Variants in LIMCH1 observed in about 807,000 individuals in gnomAD.
LIMCH1 encodes LIM and calponin homology domains-containing protein 1.
LIMCH1 carries 113 observed loss-of-function variants against 176.5 expected under a neutral mutation model. The ratio of observed to expected loss-of-function variants is 0.64; its 90% confidence interval spans 0.55 to 0.75. The LOEUF (loss-of-function observed/expected upper bound fraction) is 0.75, where lower values mean the gene tolerates loss of function less well. Among genes scored for constraint, LIMCH1 ranks in the 30% least tolerant of loss-of-function variants. LIMCH1 has a pLI of 0.00. For synonymous variants in LIMCH1, 619 were observed against 645.9 expected (o/e 0.96, Z 0.63); for missense variants, 1,674 against 1,814.9 (o/e 0.92, Z 1.41).
rs77770249 is a variant in LIMCH1, at chr4:41,616,975, G to A, written c.206-2213G>A. On this transcript the variant is annotated intron_variant, in intron 5 of 31. Coordinates refer to ENST00000503057, the MANE Select transcript of LIMCH1 (RefSeq NM_001330672.2). ...GGCTAATATTTCTTGAAGTGTCTAA[G>A]ACATTCACCAAAGAATAATTGGGGG... 7.0e-3 allele frequency among the ~76,000 whole-genome samples: 1,064 copies of A among 152,118 alleles called. 11 individuals carry two copies. Among genetic ancestry groups the A allele is most frequent in the Non-Finnish European group, 8.9e-3 (608 of 68,010 alleles).
chr4:41,493,846 C>T (rs2071539289), intron 1 of LIMCH1, among the ~76,000 whole-genome samples: 1 of 152,204 alleles, frequency 6.6e-6, no homozygotes, highest in African/African-American at 2.4e-5. Context: ...GACAATTATT[C>T]TTTCCCAGCT....
intron 1 of LIMCH1, among the ~76,000 whole-genome samples, chr4:41,543,722 A>G (rs2078983389): frequency 6.6e-6 from 1 of 152,148 alleles, no homozygotes; most frequent in African/African-American, 2.4e-5. Flanking sequence ...GGGTCTTCAC[A>G]TCTTGGCCAG....
At chr4:41,499,598 T>A (rs901470358) in intron 2 of LIMCH1, among the ~76,000 whole-genome samples, 6 of 152,132 alleles carry the variant, frequency 3.9e-5, no homozygotes, top group African/African-American at 9.7e-5. Flanking sequence ...GGTGGGGGGA[T>A]CATGAGGTCA....
intron 1 of LIMCH1, among the ~76,000 whole-genome samples, chr4:41,539,737 C>G (rs959899226): frequency 2.0e-5 from 3 of 152,088 alleles, no homozygotes; most frequent in Non-Finnish European, 2.9e-5. Context: ...GGCAATTGTT[C>G]TCTATAATAA....
Position 41,695,228 on chromosome 4 carries a change from T to G in LIMCH1, c.4379-1932T>G, listed in dbSNP as rs1317746552. On this transcript the variant is annotated intron_variant, in intron 31 of 31. Coordinates refer to ENST00000503057, the MANE Select transcript of LIMCH1 (RefSeq NM_001330672.2). ...ATTAAATATATATATTTAATACATATAAAAGAAATATATGTTTCTTTTTTG... is the reference window on the plus strand; with the variant it reads ...ATTAAATATATATATTTAATACATAGAAAAGAAATATATGTTTCTTTTTTG... Among the ~76,000 whole-genome samples the G allele has an allele frequency of 3.3e-5, 5 of 151,242 alleles. No homozygotes were observed. The East Asian group carries it at 9.6e-4, about 29-fold the overall frequency.
intron 24 of LIMCH1, among the ~76,000 whole-genome samples, chr4:41,680,487 G>A (rs893006887): frequency 3.3e-5 from 5 of 152,130 alleles, no homozygotes; most frequent in Admixed American, 3.3e-4. Context: ...CTGAATGACT[G>A]CATTTACTAT....
chr4:41,406,973 G>A (rs1395573056), intron 1 of LIMCH1, among the ~76,000 whole-genome samples: 2 of 152,156 alleles, frequency 1.3e-5, no homozygotes, highest in Non-Finnish European at 2.9e-5. Context: ...GCACGGGTAC[G>A]AGTGATCTCT....
At chr4:41,530,864 G>A (rs1190666860) in intron 3 of LIMCH1, among the ~76,000 whole-genome samples, 1 of 134,662 alleles carries the variant, frequency 7.4e-6, no homozygotes, top group African/African-American at 3.0e-5. Flanking sequence ...GCAAGGCAGG[G>A]AAGAGGGAGG....
chr4:41,575,455 A>G (rs1330959777), intron 1 of LIMCH1, among the ~76,000 whole-genome samples: 1 of 152,192 alleles, frequency 6.6e-6, no homozygotes, highest in Non-Finnish European at 1.5e-5. Flanking sequence ...ATTTTCAAAC[A>G]CTGTTTCATC....
intron 1 of LIMCH1, among the ~76,000 whole-genome samples, chr4:41,365,144 C>T (rs933637258): frequency 6.6e-6 from 1 of 152,248 alleles, no homozygotes; most frequent in Non-Finnish European, 1.5e-5. Context: ...CAACCCAACT[C>T]AGCCTTATTT....
rs770410789 is a variant in LIMCH1 at position 41,687,943 on chromosome 4, G to C, written c.4166+26G>C. 6.3e-6 allele frequency: 10 copies of C among 1,587,682 alleles called. No individual in the cohort carries two copies. The Admixed American group carries it at 1.7e-4, about 27-fold the overall frequency. The stretch of plus-strand genomic sequence containing the variant: ...GTACAAGAGGTCAGCAGGCCTTTCT[G>C]AGGCTGCTTTGTTATGACTAGAGCT... On this transcript the variant is annotated intron_variant, in intron 29 of 31. Transcript: ENST00000503057.
At chr4:41,669,998 T>A (rs1236276887) in intron 21 of LIMCH1, among the ~76,000 whole-genome samples, 1 of 152,162 alleles carries the variant, frequency 6.6e-6, no homozygotes, top group Non-Finnish European at 1.5e-5. Context: ...GTTCCACACG[T>A]TTTCCTTACA....
At chr4:41,607,294 T>G (rs2090859435) in intron 4 of LIMCH1, among the ~76,000 whole-genome samples, 1 of 152,270 alleles carries the variant, frequency 6.6e-6, no homozygotes, top group South Asian at 2.1e-4. Flanking sequence ...AAGCTAATGG[T>G]CCTGATAGTT....
At chr4:41,462,620 A>G (rs937919014) in intron 1 of LIMCH1, among the ~76,000 whole-genome samples, 1 of 152,224 alleles carries the variant, frequency 6.6e-6, no homozygotes, top group Admixed American at 6.5e-5. Flanking sequence ...TTGGTGCTAG[A>G]TGTATCTTGA....
chr4:41,454,638 A>G (rs573696779), intron 1 of LIMCH1, among the ~76,000 whole-genome samples: 4 of 152,264 alleles, frequency 2.6e-5, no homozygotes, highest in African/African-American at 7.2e-5. Context: ...AGTATGTGTC[A>G]AAGTAGTGTA....
intron 19 of LIMCH1, 148 bp from the exon 20 acceptor site, chr4:41,662,673 T>TA: frequency 7.5e-6 from 6 of 802,284 alleles, no homozygotes; most frequent in Non-Finnish European, 1.2e-5. Context: ...TTAGGCTCTT[T>TA]TATATCTCTG....
chr4:41,467,328 A>G (rs1231600797), intron 1 of LIMCH1, among the ~76,000 whole-genome samples: 3 of 152,154 alleles, frequency 2.0e-5, no homozygotes, highest in Non-Finnish European at 4.4e-5. Flanking sequence ...AATGTTTTTT[A>G]ACCAGTGTAT....
Position 41,598,996 on chromosome 4 carries a change from T to A in LIMCH1, c.-164T>A, listed in dbSNP as rs756901414. Reference sequence around the variant, plus strand: ...TCTCAACTTTTTGACCCGAGTGACCTCCAGGATACATCCAACAGAGTAACA... The same window carrying A: ...TCTCAACTTTTTGACCCGAGTGACCACCAGGATACATCCAACAGAGTAACA... On this transcript the variant is annotated 5_prime_UTR_variant, in exon 2 of 32. Transcript: ENST00000503057. The A allele has an allele frequency of 5.6e-6, 9 of 1,610,756 alleles. No individual in the cohort carries two copies. The highest frequency in any genetic ancestry group is 7.6e-6 in the Non-Finnish European group (9 of 1,177,214).
intron 2 of LIMCH1, among the ~76,000 whole-genome samples, chr4:41,504,416 G>A (rs1246921037): frequency 2.6e-5 from 4 of 152,158 alleles, no homozygotes; most frequent in Non-Finnish European, 5.9e-5. Flanking sequence ...GTCTCCACAG[G>A]GATGCTATTG....
Sources: allele counts gnomAD v4.1 joint callset (sites outside exome capture counted in the v4.1 genomes callset), GRCh38; gene constraint gnomAD v4.1.1; transcripts MANE v1.5; gene names NCBI Gene and HGNC (gene_info 2026-07-23, HGNC 2026-07-21).